Variants in ELAPOR1 observed in about 807,000 individuals in gnomAD.
ELAPOR1 encodes endosome-lysosome associated apoptosis and autophagy regulator 1.
A neutral mutation model predicts 119.7 loss-of-function variants in ELAPOR1; 77 were observed. The observed-to-expected ratio is 0.64, with a 90% confidence interval of 0.54 to 0.78. The LOEUF (loss-of-function observed/expected upper bound fraction) is 0.78, where lower values mean the gene tolerates loss of function less well. Among genes scored for constraint, ELAPOR1 ranks in the 30% least tolerant of loss-of-function variants. The probability of loss-of-function intolerance (pLI) is 0.00; values close to 1 mark genes in which losing one functional copy is unlikely to be tolerated. For synonymous variants in ELAPOR1, 481 were observed against 487.2 expected, an observed-to-expected ratio of 0.99 and a Z score of 0.17; for missense variants, 1,115 against 1,270.4, an observed-to-expected ratio of 0.88 and a Z score of 1.86.
At chr1:109,154,501 G>C (rs1650746776) in intron 1 of ELAPOR1, among the ~76,000 whole-genome samples, 1 of 152,132 alleles carries the variant, frequency 6.6e-6, no homozygotes, top group African/African-American at 2.4e-5. Context: ...CTCAGAGACT[G>C]TTTGTTTTAC....
chr1:109,187,490 T>C, intron 8 of ELAPOR1: 1 of 1,000,276 alleles, frequency 1.0e-6, no homozygotes, highest in Admixed American at 6.1e-5. Flanking sequence ...ACAGATCATG[T>C]TCATCAACCC....
At chr1:109,188,971 C>G in intron 9 of ELAPOR1, 95 bp from the exon 10 acceptor site, 2 of 1,474,808 alleles carry the variant, frequency 1.4e-6, no homozygotes, top group Middle Eastern at 2.5e-4. Flanking sequence ...CTGGGCTGCC[C>G]GCTACTGTTG....
chr1:109,179,058 A>G (rs2101078086), intron 7 of ELAPOR1, among the ~76,000 whole-genome samples: 1 of 152,096 alleles, frequency 6.6e-6, no homozygotes, highest in Non-Finnish European at 1.5e-5. Flanking sequence ...ATCTGGAAAG[A>G]TGAAAGGTTA....
chr1:109,145,264 TCTCTA>T lies in ELAPOR1; in HGVS notation c.154-16629_154-16625del, dbSNP rs1261394252. Among the ~76,000 whole-genome samples, 8 of 152,174 alleles carry T rather than the reference TCTCTA, an allele frequency of 5.3e-5. No individual in the cohort carries two copies. The East Asian group carries it at 1.5e-3, about 29-fold the overall frequency. ...TGTGCCTTGATCTTGGACTTCTTAG[TCTCTA>T]GAACGGTGAAAAAAAATACATTTCT... On this transcript the variant is annotated intron_variant, in intron 1 of 21. Coordinates refer to ENST00000369939, the MANE Select transcript of ELAPOR1 (RefSeq NM_020775.5).
chr1:109,125,787 A>G (rs1239226711), intron 1 of ELAPOR1, among the ~76,000 whole-genome samples: 2 of 152,192 alleles, frequency 1.3e-5, no homozygotes, highest in African/African-American at 4.8e-5. Flanking sequence ...ACCAAGCAAA[A>G]AACACCACCA....
At chr1:109,152,966 A>AG (rs1264927295) in intron 1 of ELAPOR1, among the ~76,000 whole-genome samples, 13 of 150,978 alleles carry the variant, frequency 8.6e-5, no homozygotes, top group South Asian at 2.1e-4. Context: ...AAAAAAAAAA[A>AG]AAAGAAAGAA....
intron 15 of ELAPOR1, among the ~76,000 whole-genome samples, chr1:109,195,948 G>T (rs1197273049): frequency 6.6e-6 from 1 of 152,192 alleles, no homozygotes; most frequent in Non-Finnish European, 1.5e-5. Context: ...CTGAGGTCTG[G>T]AGTTCGAGAC....
chr1:109,140,359 A>G (rs1570628263), intron 1 of ELAPOR1, among the ~76,000 whole-genome samples: 1 of 152,188 alleles, frequency 6.6e-6, no homozygotes, highest in South Asian at 2.1e-4. Context: ...GCAGGGTTGG[A>G]ATAAAGAGAG....
intron 1 of ELAPOR1, among the ~76,000 whole-genome samples, chr1:109,141,577 A>G (rs975160502): frequency 2.6e-5 from 4 of 151,912 alleles, no homozygotes; most frequent in Middle Eastern, 3.2e-3. Context: ...TATTTTAAAA[A>G]CCCTGAAGAG....
chr1:109,183,842 C>T (rs779041875), intron 7 of ELAPOR1, among the ~76,000 whole-genome samples: 1 of 152,048 alleles, frequency 6.6e-6, no homozygotes, highest in African/African-American at 2.4e-5. Flanking sequence ...TCTTGAACTC[C>T]TGGGCTCAAG....
In ELAPOR1 at chr1:109,118,900, C is replaced by CTTTTTTTTTTTTTT. The variant is rs777752743; in HGVS notation, c.153+4566_153+4579dup. 2.7e-3 allele frequency among the ~76,000 whole-genome samples: 349 copies of CTTTTTTTTTTTTTT among 128,140 alleles called. 6 individuals carry two copies. Among genetic ancestry groups the CTTTTTTTTTTTTTT allele is most frequent in the Middle Eastern group, 4.1e-3 (1 of 244 alleles). The allele number at this position is 128,140 out of a possible 152,430, so 84.1% of individuals were successfully genotyped here. A position where few individuals can be genotyped will look rare whatever the true frequency, so the allele number is the denominator to read the frequency against. Reference sequence around the variant, plus strand: ...CTGTTTCCTCCTGTATTTGGTTCTTCTTTTTTTTTTTTTTTGAGACGGAGT... The same window carrying CTTTTTTTTTTTTTT: ...CTGTTTCCTCCTGTATTTGGTTCTTCTTTTTTTTTTTTTTTTTTTTTTTTTTTTTGAGACGGAGT... On this transcript the variant is annotated intron_variant, in intron 1 of 21. Coordinates refer to ENST00000369939, the MANE Select transcript of ELAPOR1 (RefSeq NM_020775.5).
intron 1 of ELAPOR1, among the ~76,000 whole-genome samples, chr1:109,139,319 T>C (rs1649682958): frequency 6.6e-6 from 1 of 151,956 alleles, no homozygotes; most frequent in South Asian, 2.1e-4. Flanking sequence ...CCAGCCTGGG[T>C]GACACAGCGA....
chr1:109,124,067 G>T (rs991648404), intron 1 of ELAPOR1, among the ~76,000 whole-genome samples: 5 of 152,268 alleles, frequency 3.3e-5, no homozygotes, highest in African/African-American at 7.2e-5. Context: ...CTTCCAAAGC[G>T]CTGGGATTAC....
At chr1:109,185,285 G>A (rs139908564) in intron 8 of ELAPOR1, 152 bp downstream of exon 8, 1 of 633,930 alleles carries the variant, frequency 1.6e-6, no homozygotes, top group Non-Finnish European at 2.8e-6. Context: ...TAGGTGGGGT[G>A]GGGGGCAAAA....
chr1:109,170,131 G>A (rs1349194572), intron 3 of ELAPOR1, among the ~76,000 whole-genome samples: 1 of 152,164 alleles, frequency 6.6e-6, no homozygotes, highest in African/African-American at 2.4e-5. Context: ...GAAAACATGC[G>A]AAGCACTACC....
chr1:109,191,608 G>A, intron 12 of ELAPOR1, 118 bp from the exon 13 acceptor site: 3 of 1,442,858 alleles, frequency 2.1e-6, no homozygotes, highest in East Asian at 2.3e-5. Context: ...GACCAGCAGG[G>A]ACTTCACAGT....
intron 1 of ELAPOR1, among the ~76,000 whole-genome samples, chr1:109,154,888 G>T (rs580771): frequency 6.6e-6 from 1 of 152,042 alleles, no homozygotes; most frequent in African/African-American, 2.4e-5. Flanking sequence ...TAGTCAGATC[G>T]GAGTTAGAGA....
chr1:109,135,675 G>A (rs1280747197), intron 1 of ELAPOR1, among the ~76,000 whole-genome samples: 1 of 152,192 alleles, frequency 6.6e-6, no homozygotes, highest in East Asian at 1.9e-4. Flanking sequence ...AAGAAAGGCA[G>A]GCTTGGGTTT....
intron 1 of ELAPOR1, among the ~76,000 whole-genome samples, chr1:109,134,702 T>C (rs1570618644): frequency 6.6e-6 from 1 of 152,156 alleles, no homozygotes; most frequent in Non-Finnish European, 1.5e-5. Flanking sequence ...GGTTTCACCT[T>C]CGTCATTACA....
Sources: gnomAD v4.1 joint callset for allele counts (sites outside exome capture counted in the v4.1 genomes callset) on GRCh38, gnomAD v4.1.1 for gene constraint, MANE v1.5 for transcripts, NCBI Gene and HGNC (gene_info 2026-07-23, HGNC 2026-07-21) for gene names.